Variants in PCDHA10 observed in about 807,000 individuals in gnomAD.
The protein encoded by PCDHA10 is protocadherin alpha 10, also known as protocadherin alpha-10.
Under a neutral mutation model 61.2 loss-of-function variants are expected in PCDHA10, and 45 were observed. The ratio of observed to expected loss-of-function variants is 0.74; its 90% CI spans 0.58 to 0.94. The LOEUF (loss-of-function observed/expected upper bound fraction) is 0.94, where lower values mean the gene tolerates loss of function less well. Ranked by LOEUF, PCDHA10 falls within the 40% of genes least tolerant of loss-of-function variation. The pLI is 0.00. For synonymous variants in PCDHA10, 602 were observed against 548.8 expected, an observed-to-expected ratio of 1.10 and a Z score of -1.35; for missense variants, 1,278 against 1,236.2, an observed-to-expected ratio of 1.03 and a Z score of -0.51.
At chr5:140,909,505 G>A (rs2074548695) in intron 1 of PCDHA10, among the ~76,000 whole-genome samples, 1 of 152,168 alleles carries the variant, frequency 6.6e-6, no homozygotes. Flanking sequence ...GGATGTGGTG[G>A]GAATCACAAC....
chr5:140,969,076 T>C, intron 1 of PCDHA10: 2 of 1,614,162 alleles, frequency 1.2e-6, no homozygotes, highest in South Asian at 2.2e-5. Flanking sequence ...GGATACCGCA[T>C]GGCCTCAAAG....
chr5:140,891,744 A>G (rs2063231419), intron 1 of PCDHA10, among the ~76,000 whole-genome samples: 1 of 152,070 alleles, frequency 6.6e-6, no homozygotes, highest in South Asian at 2.1e-4. Context: ...AATCCCTTAT[A>G]CAACAGTGTT....
chr5:140,942,926 GAA>G (rs1554215307), intron 1 of PCDHA10, among the ~76,000 whole-genome samples: 2 of 151,984 alleles, frequency 1.3e-5, no homozygotes, highest in East Asian at 3.9e-4. Flanking sequence ...AAAAAAAATT[GAA>G]AAAGAGTTTA....
At chr5:140,983,408 A>C (rs1554245369) in intron 3 of PCDHA10, among the ~76,000 whole-genome samples, 1 of 152,208 alleles carries the variant, frequency 6.6e-6, no homozygotes, top group East Asian at 1.9e-4. Context: ...GGGAAGATTA[A>C]GTGTTGGTAG....
chr5:140,866,649 T>G (rs1554160460), intron 1 of PCDHA10: 4 of 152,162 alleles, frequency 2.6e-5, no homozygotes, highest in African/African-American at 9.6e-5. Context: ...AAAATTTATT[T>G]ATGTGTTTTC....
At chr5:140,877,082 C>A in intron 1 of PCDHA10, 1 of 1,613,120 alleles carries the variant, frequency 6.2e-7, no homozygotes, top group African/African-American at 1.3e-5. Flanking sequence ...CAGGTGAGCG[C>A]GCGCGACGCC....
Position 140,965,562 on chromosome 5 carries a change from A to G in PCDHA10, c.2389-13387A>G, listed in dbSNP as rs548302746. 1.9e-4 allele frequency among the ~76,000 whole-genome samples: 29 copies of G among 152,242 alleles called. No homozygotes were observed. In the South Asian group the frequency reaches 6.0e-3, roughly 32 times the overall value. On this transcript the variant is annotated intron_variant, in intron 1 of 3. Coordinates refer to ENST00000307360, the MANE Select transcript of PCDHA10 (RefSeq NM_018901.4). ...AATTCCAGCCTGGCTTAGGAGATCA[A>G]CAGTAACGCTCTTGATTTAATGGTT...
At chr5:140,978,283 G>A (rs1355729190) in intron 1 of PCDHA10, among the ~76,000 whole-genome samples, 3 of 152,200 alleles carry the variant, frequency 2.0e-5, no homozygotes, top group South Asian at 2.1e-4. Context: ...CAGTGATTCA[G>A]TGAGGAGGGA....
intron 1 of PCDHA10, among the ~76,000 whole-genome samples, chr5:140,946,015 G>A (rs246056): frequency 0.57 from 86,078 of 151,518 alleles, 25,094 homozygotes; most frequent in African/African-American, 0.71. Context: ...AAGCTCCTGC[G>A]CAGCAAAGAA....
At chr5:140,928,321 A>G (rs1296238254) in intron 1 of PCDHA10, 1 of 1,614,162 alleles carries the variant, frequency 6.2e-7, no homozygotes, top group Non-Finnish European at 8.5e-7. Context: ...CCTGGGGAAG[A>G]ATGGCCTTGT....
chr5:140,887,239 G>A (rs1248062448), intron 1 of PCDHA10, among the ~76,000 whole-genome samples: 2 of 151,736 alleles, frequency 1.3e-5, no homozygotes, highest in Admixed American at 6.6e-5. Context: ...TGAGACTACC[G>A]GCGCCCGCCA....
chr5:140,917,960 T>C (rs531936377), intron 1 of PCDHA10, among the ~76,000 whole-genome samples: 8 of 152,316 alleles, frequency 5.3e-5, no homozygotes, highest in East Asian at 3.9e-4. Context: ...AGGAACATCA[T>C]TGAATCTGTG....
chr5:140,857,289 G>A lies in PCDHA10; in HGVS notation c.1241G>A (p.Arg414His), dbSNP rs782361309. The A allele has an allele frequency of 3.8e-6, 6 of 1,598,692 alleles. No homozygotes were observed. In the South Asian group the frequency reaches 4.4e-5, roughly 12 times the overall value. ...TTGGTGCTGGACAGCGCTCTGGACC[G>A]CGAGAGGGTGTCGGCCTATGAGCTG... The part of the protein sequence containing the change: ...YSLVLDSALD[R>H]ERVSAYELVV... The change falls in exon 1 of 4, where the codon CGC (arginine) becomes CAC (histidine). Residue 414 changes from arginine to histidine, a missense_variant. By Grantham distance (29) the Arg-to-His change is conservative. Coordinates refer to ENST00000307360, the MANE Select transcript of PCDHA10 (RefSeq NM_018901.4).
chr5:140,916,090 G>A (rs1464191226), intron 1 of PCDHA10, among the ~76,000 whole-genome samples: 1 of 152,160 alleles, frequency 6.6e-6, no homozygotes, highest in African/African-American at 2.4e-5. Context: ...TGGTCCACAG[G>A]GAATCTGCCT....
chr5:140,965,168 T>C (rs1484687706), intron 1 of PCDHA10, among the ~76,000 whole-genome samples: 1 of 152,180 alleles, frequency 6.6e-6, no homozygotes, highest in Non-Finnish European at 1.5e-5. Context: ...GACGTTTTAG[T>C]GAGTGCTTTT....
At chr5:140,894,043 C>G (rs1562874850) in intron 1 of PCDHA10, among the ~76,000 whole-genome samples, 1 of 152,050 alleles carries the variant, frequency 6.6e-6, no homozygotes, top group Non-Finnish European at 1.5e-5. Flanking sequence ...AATGTAAGTC[C>G]TCTGTTGAAT....
chr5:140,919,613 A>G (rs993064588), intron 1 of PCDHA10, among the ~76,000 whole-genome samples: 1 of 152,270 alleles, frequency 6.6e-6, no homozygotes, highest in South Asian at 2.1e-4. Context: ...TTTAAACTGT[A>G]TCTTTTGAGT....
rs75377875 is a variant in PCDHA10 at position 140,902,598 on chromosome 5, C to T, written c.2388+44162C>T. The stretch of plus-strand genomic sequence containing the variant: ...ATTTCAATAGTTTTGGGAAACAGGT[C>T]GTTTTCAGTTACATGGGTAAGTTAT... On this transcript the variant is annotated intron_variant, in intron 1 of 3. Coordinates refer to ENST00000307360, the MANE Select transcript of PCDHA10 (RefSeq NM_018901.4). Among the ~76,000 whole-genome samples, 274 of 152,044 alleles carry T rather than the reference C, an allele frequency of 1.8e-3. 4 individuals are homozygous for T. In the East Asian group the frequency reaches 0.048, roughly 27 times the overall value.
chr5:140,869,229 C>G, intron 1 of PCDHA10: 1 of 1,613,752 alleles, frequency 6.2e-7, no homozygotes, highest in Non-Finnish European at 8.5e-7. Context: ...CCAAACACGG[C>G]ACCTTCGTGG....
Sources: allele counts gnomAD v4.1 joint callset (sites outside exome capture counted in the v4.1 genomes callset), GRCh38; gene constraint gnomAD v4.1.1; transcripts MANE v1.5; gene names NCBI Gene and HGNC (gene_info 2026-07-23, HGNC 2026-07-21).